MSI2: variants seen among roughly 807,000 people sequenced by gnomAD.
The protein encoded by MSI2 is RNA-binding protein Musashi homolog 2.
In MSI2, 17 loss-of-function variants were observed where a neutral mutation model predicts 45.6. The ratio of observed to expected loss-of-function variants is 0.37; its 90% CI spans 0.26 to 0.56. The LOEUF (loss-of-function observed/expected upper bound fraction) is 0.56, where lower values mean the gene tolerates loss of function less well. Among genes scored for constraint, MSI2 ranks in the 20% least tolerant of loss-of-function variants. MSI2 has a pLI of 0.77. For missense variants in MSI2, 293 were observed against 444.2 expected (o/e 0.66, Z 3.06); for synonymous variants, 156 against 158.2 (o/e 0.99, Z 0.11).
At chr17:57,585,015 ACCAT>A (rs1470293999) in intron 7 of MSI2, among the ~76,000 whole-genome samples, 3 of 151,920 alleles carry the variant, frequency 2.0e-5, no homozygotes, top group African/African-American at 7.3e-5. Context: ...ACGGGGTTTC[ACCAT>A]GTTGGCCAGG....
At position 57,418,544 on chromosome 17, in the gene MSI2, G is replaced by A. The variant is rs548695043; in HGVS notation, c.405+17073G>A. ...AATAGGCAAGGAATGATCATTTTGG[G>A]GTCTTGCTTTTTTCTTGGGCTGTGG... On this transcript the variant is annotated intron_variant, in intron 6 of 13. Coordinates refer to ENST00000284073, the MANE Select transcript of MSI2 (RefSeq NM_138962.4). Among the ~76,000 whole-genome samples, 342 of 152,318 alleles carry A rather than the reference G, an allele frequency of 2.2e-3. 1 individual carries two copies. The highest frequency in any genetic ancestry group is 8.0e-3 in the African/African-American group (332 of 41,566).
intron 5 of MSI2, among the ~76,000 whole-genome samples, chr17:57,360,296 A>C (rs1894068529): frequency 6.6e-6 from 1 of 152,260 alleles, no homozygotes; most frequent in Admixed American, 6.5e-5. Context: ...CACATCAGAA[A>C]GGGCTTGAGG....
At position 57,613,577 on chromosome 17, in the gene MSI2, G is replaced by A. The variant is rs536185585; in HGVS notation, c.538-2393G>A. Among the ~76,000 whole-genome samples the A allele has an allele frequency of 5.3e-5, 8 of 152,236 alleles. No homozygotes were observed. The South Asian group carries it at 1.5e-3, about 28-fold the overall frequency. On this transcript the variant is annotated intron_variant, in intron 8 of 13. Coordinates refer to ENST00000284073, the MANE Select transcript of MSI2 (RefSeq NM_138962.4). ...GTATAAATTTATGGCTTTTGATGTA[G>A]TGTCTGGTTGCCCTCCAGAAAAATA...
intron 5 of MSI2, among the ~76,000 whole-genome samples, chr17:57,335,851 G>C (rs927636851): frequency 6.6e-6 from 1 of 152,224 alleles, no homozygotes; most frequent in Non-Finnish European, 1.5e-5. Context: ...GCTGGCATGT[G>C]TGAGGAGTAG....
chr17:57,410,886 C>G (rs1450953843), intron 6 of MSI2, among the ~76,000 whole-genome samples: 2 of 152,128 alleles, frequency 1.3e-5, no homozygotes, highest in Non-Finnish European at 2.9e-5. Context: ...TCCCAGCTTT[C>G]TTATGGAATG....
intron 5 of MSI2, among the ~76,000 whole-genome samples, chr17:57,297,570 G>T (rs1016232223): frequency 6.6e-6 from 1 of 152,182 alleles, no homozygotes; most frequent in Non-Finnish European, 1.5e-5. Flanking sequence ...GGTTGGGGTG[G>T]TTGTGGCAAT....
chr17:57,371,643 A>T (rs1189227415), intron 5 of MSI2, among the ~76,000 whole-genome samples: 1 of 151,242 alleles, frequency 6.6e-6, no homozygotes, highest in Non-Finnish European at 1.5e-5. Context: ...TGTGGTTTTT[A>T]TTGTCTATGT....
intron 10 of MSI2, among the ~76,000 whole-genome samples, chr17:57,634,745 A>G (rs1382692487): frequency 2.0e-5 from 3 of 152,238 alleles, no homozygotes; most frequent in Non-Finnish European, 1.5e-5. Context: ...TCTCTCATGT[A>G]AAAGAAGCCT....
intron 6 of MSI2, among the ~76,000 whole-genome samples, chr17:57,423,493 A>G (rs1034654125): frequency 2.0e-5 from 3 of 152,116 alleles, no homozygotes; most frequent in Admixed American, 1.3e-4. Context: ...GCTGCATTCT[A>G]TTCTGTTGGC....
intron 7 of MSI2, among the ~76,000 whole-genome samples, chr17:57,581,151 T>C (rs559164634): frequency 6.6e-6 from 1 of 152,014 alleles, no homozygotes; most frequent in Admixed American, 6.6e-5. Flanking sequence ...TAGCTGGAAC[T>C]ACAGGCGTGT....
intron 11 of MSI2, among the ~76,000 whole-genome samples, chr17:57,654,566 G>A (rs1391275387): frequency 6.6e-6 from 1 of 152,158 alleles, no homozygotes; most frequent in Non-Finnish European, 1.5e-5. Flanking sequence ...CATCAGTCTA[G>A]GCCACAGAGG....
intron 5 of MSI2, among the ~76,000 whole-genome samples, chr17:57,277,053 C>CTTTTT (rs34561938): frequency 5.4e-4 from 68 of 124,922 alleles, no homozygotes; most frequent in Non-Finnish European, 7.8e-4. Context: ...GTTTTCTTTT[C>CTTTTT]TTTTTTTTTT....
chr17:57,287,422 T>C (rs899604156), intron 5 of MSI2, among the ~76,000 whole-genome samples: 16 of 152,092 alleles, frequency 1.1e-4, no homozygotes, highest in African/African-American at 3.9e-4. Flanking sequence ...GGGGACAGAA[T>C]AGTGTGTGTG....
intron 3 of MSI2, among the ~76,000 whole-genome samples, chr17:57,258,018 A>C (rs1440469989): frequency 1.3e-5 from 2 of 152,084 alleles, no homozygotes; most frequent in Non-Finnish European, 2.9e-5. Context: ...GTGGCCAAAG[A>C]GTGGAGGCAC....
intron 5 of MSI2, among the ~76,000 whole-genome samples, chr17:57,315,231 G>C (rs1912756779): frequency 6.6e-6 from 1 of 152,216 alleles, no homozygotes; most frequent in Non-Finnish European, 1.5e-5. Flanking sequence ...AAGCAGCCCT[G>C]CCGGATACCA....
chr17:57,371,011 C>G (rs573201439), intron 5 of MSI2, among the ~76,000 whole-genome samples: 2 of 152,204 alleles, frequency 1.3e-5, no homozygotes. Context: ...ATTATATAGT[C>G]GCTCTTTTAT....
At chr17:57,441,478 T>C (rs937567887) in intron 6 of MSI2, among the ~76,000 whole-genome samples, 1 of 152,148 alleles carries the variant, frequency 6.6e-6, no homozygotes, top group Admixed American at 6.5e-5. Flanking sequence ...GAAAGTATCA[T>C]TGGCATATAG....
At chr17:57,668,198 G>A (rs1195456531) in intron 11 of MSI2, among the ~76,000 whole-genome samples, 1 of 152,094 alleles carries the variant, frequency 6.6e-6, no homozygotes, top group Non-Finnish European at 1.5e-5. Flanking sequence ...CAAATGCATG[G>A]TCCTAGCCAC....
chr17:57,286,690 A>C (rs1473963539), intron 5 of MSI2, among the ~76,000 whole-genome samples: 1 of 151,966 alleles, frequency 6.6e-6, no homozygotes. Flanking sequence ...TGTCTGATGG[A>C]GAATGTATTT....
Sources: allele counts gnomAD v4.1 joint callset (sites outside exome capture counted in the v4.1 genomes callset), GRCh38; gene constraint gnomAD v4.1.1; transcripts MANE v1.5; gene names NCBI Gene and HGNC (gene_info 2026-07-23, HGNC 2026-07-21).